Variants in RELN observed in about 807,000 individuals in gnomAD.
The protein encoded by RELN is reelin.
In RELN, 108 loss-of-function variants were observed where a neutral mutation model predicts 427.6. The ratio of observed to expected loss-of-function variants is 0.25; its 90% CI spans 0.22 to 0.30. RELN has a LOEUF of 0.30. Ranked by LOEUF, RELN falls within the 10% of genes least tolerant of loss-of-function variation. RELN has a pLI of 1.00. For missense variants in RELN, 3,715 were observed against 4,302.8 expected (o/e 0.86, Z 3.82); for synonymous variants, 1,524 against 1,513.4 (o/e 1.01, Z -0.16).
intron 4 of RELN, among the ~76,000 whole-genome samples, chr7:103,770,228 GC>G (rs1205189272): frequency 6.6e-6 from 1 of 152,168 alleles, no homozygotes. Context: ...GGGACTACAG[GC>G]ATGTGCCATC....
chr7:103,939,041 G>A (rs1173964664), intron 1 of RELN, among the ~76,000 whole-genome samples: 2 of 151,754 alleles, frequency 1.3e-5, no homozygotes, highest in Non-Finnish European at 2.9e-5. Flanking sequence ...CTGCCTCTCG[G>A]GTTCAAGTGA....
At chr7:103,821,593 T>C (rs1284613080) in intron 3 of RELN, among the ~76,000 whole-genome samples, 2 of 152,152 alleles carry the variant, frequency 1.3e-5, no homozygotes, top group Non-Finnish European at 2.9e-5. Flanking sequence ...AAAAGCTCTT[T>C]TGTAACCATC....
At chr7:103,981,210 T>G (rs1009272977) in intron 1 of RELN, among the ~76,000 whole-genome samples, 1 of 152,200 alleles carries the variant, frequency 6.6e-6, no homozygotes, top group African/African-American at 2.4e-5. Context: ...TCTAGATGTT[T>G]TAAATGTCAA....
chr7:103,652,563 T>A lies in RELN; in HGVS notation c.1751A>T (p.Gln584Leu). The change falls in exon 14 of 65, where the codon CAG becomes CTG. Residue 584 changes from glutamine (Q) to leucine (L), a missense_variant. Coordinates refer to ENST00000428762, the MANE Select transcript of RELN (RefSeq NM_005045.4). ...FSINLGCGTH[Q>L]PGNSVSLEFS... ...TAGGGCTTCCTACCTGTTACCAGGC[T>A]GATGCGTTCCACATCCCAGATTGAT... 6.2e-7 allele frequency: 1 copy of A among 1,612,574 alleles called. No homozygotes were observed.
At position 103,640,939 on chromosome 7, in the gene RELN, A is replaced by C. The variant is rs138738727; in HGVS notation, c.2003-330T>G. Among the ~76,000 whole-genome samples, 284 of 152,342 alleles carry C rather than the reference A, an allele frequency of 1.9e-3. 1 individual carries two copies. Among genetic ancestry groups the C allele is most frequent in the African/African-American group, 6.1e-3 (255 of 41,578 alleles). On this transcript the variant is annotated intron_variant, in intron 16 of 64. Transcript: ENST00000428762. The surrounding 1 kb of genome is among the most constrained non-coding windows in gnomAD (Gnocchi z 4.1). ...CAAAGTTTATTTTCATTAGGTAGAA[A>C]AAAAATATTTAAAAAGGACCAATCT...
chr7:103,494,960 G>C (rs1360062818), intron 57 of RELN, among the ~76,000 whole-genome samples: 1 of 151,974 alleles, frequency 6.6e-6, no homozygotes, highest in Non-Finnish European at 1.5e-5. Flanking sequence ...GAGAGACAGC[G>C]GAAGGGAAGG....
Position 103,883,280 on chromosome 7 carries a change from T to A in RELN, c.337+33795A>T, listed in dbSNP as rs189368547. Among the ~76,000 whole-genome samples, 91 of 152,262 alleles carry A rather than the reference T, an allele frequency of 6.0e-4. No homozygotes were observed. In the East Asian group the frequency reaches 7.0e-3, roughly 12 times the overall value. On this transcript the variant is annotated intron_variant, in intron 2 of 64. Transcript: ENST00000428762. ...CTCAACTGGGTATTGATGGAACATA[T>A]CTCAAAATAATAAGAACTATTTATG...
intron 6 of RELN, among the ~76,000 whole-genome samples, chr7:103,742,961 C>A (rs1175190996): frequency 6.6e-6 from 1 of 151,640 alleles, no homozygotes; most frequent in African/African-American, 2.4e-5. Context: ...ACATAATTGT[C>A]AGATTCACCA....
intron 46 of RELN, among the ~76,000 whole-genome samples, chr7:103,534,046 T>C (rs1173755523): frequency 1.3e-5 from 2 of 152,236 alleles, no homozygotes; most frequent in African/African-American, 4.8e-5. Flanking sequence ...GAGCCAGCAA[T>C]TGTAAAGCAG....
intron 8 of RELN, among the ~76,000 whole-genome samples, chr7:103,703,666 T>C (rs1402748183): frequency 6.6e-6 from 1 of 152,238 alleles, no homozygotes; most frequent in East Asian, 1.9e-4. Flanking sequence ...CAATTTCAAA[T>C]GTCAAATGCA....
intron 41 of RELN, among the ~76,000 whole-genome samples, chr7:103,550,737 A>C (rs1249030606): frequency 6.6e-6 from 1 of 151,634 alleles, no homozygotes; most frequent in Non-Finnish European, 1.5e-5. Context: ...TTCTAGCTGC[A>C]TTTATATTGT....
At chr7:103,708,553 T>C (rs989205357) in intron 8 of RELN, among the ~76,000 whole-genome samples, 5 of 144,700 alleles carry the variant, frequency 3.5e-5, no homozygotes, top group Non-Finnish European at 7.4e-5. Flanking sequence ...AAGATCCGCC[T>C]CCCGGGTTCA....
intron 52 of RELN, among the ~76,000 whole-genome samples, chr7:103,501,273 T>C (rs992581390): frequency 3.3e-5 from 5 of 152,214 alleles, no homozygotes; most frequent in African/African-American, 1.2e-4. Context: ...GCAATTTAGA[T>C]TCACTAATTG....
At chr7:103,769,638 T>C (rs539235530) in intron 4 of RELN, among the ~76,000 whole-genome samples, 34 of 152,284 alleles carry the variant, frequency 2.2e-4, no homozygotes, top group African/African-American at 7.2e-4. Flanking sequence ...TAGCATTCTC[T>C]CCTCAGTCTC....
chr7:103,611,525 C>T, intron 21 of RELN, 86 bp downstream of exon 21: 1 of 1,018,532 alleles, frequency 9.8e-7, no homozygotes, highest in Non-Finnish European at 1.5e-6. Flanking sequence ...ACCTAAACTT[C>T]TAGAACTGTA....
chr7:103,503,905 A>C (rs1006163329), intron 51 of RELN, among the ~76,000 whole-genome samples: 13 of 151,324 alleles, frequency 8.6e-5, no homozygotes, highest in South Asian at 2.1e-4. Flanking sequence ...AAAAAAAAAA[A>C]AAAAAAAAAA....
intron 2 of RELN, among the ~76,000 whole-genome samples, chr7:103,916,772 T>C (rs1398496317): frequency 6.6e-6 from 1 of 152,124 alleles, no homozygotes; most frequent in Non-Finnish European, 1.5e-5. Flanking sequence ...TCAGAGCAAA[T>C]TCCAGCCACT....
intron 2 of RELN, among the ~76,000 whole-genome samples, chr7:103,856,763 A>T (rs1793957665): frequency 6.6e-6 from 1 of 151,984 alleles, no homozygotes; most frequent in African/African-American, 2.4e-5. Flanking sequence ...ATTTAACTGG[A>T]ACTTTGTATT....
intron 6 of RELN, among the ~76,000 whole-genome samples, chr7:103,744,043 C>G (rs939585662): frequency 2.6e-5 from 4 of 152,116 alleles, no homozygotes; most frequent in African/African-American, 9.7e-5. Flanking sequence ...TGTAAAAGAA[C>G]AGAAATTATA....
Sources: allele counts gnomAD v4.1 joint callset (sites outside exome capture counted in the v4.1 genomes callset), GRCh38; gene constraint gnomAD v4.1.1; non-coding constraint Gnocchi (gnomAD v3.1); transcripts MANE v1.5; gene names NCBI Gene and HGNC (gene_info 2026-07-23, HGNC 2026-07-21).